CYP7A1: variants seen among roughly 807,000 people sequenced by gnomAD.
CYP7A1 encodes the protein cytochrome P450 family 7 subfamily A member 1.
A neutral mutation model predicts 43.8 loss-of-function variants in CYP7A1; 28 were observed. The observed-to-expected ratio is 0.64, with a 90% CI of 0.47 to 0.88. The LOEUF (loss-of-function observed/expected upper bound fraction) is 0.88. CYP7A1 is among the 40% of genes least tolerant of loss of function. CYP7A1 has a pLI of 0.00. For synonymous variants in CYP7A1, 227 were observed against 222.5 expected, an observed-to-expected ratio of 1.02 and a Z score of -0.18; for missense variants, 637 against 611.9, an observed-to-expected ratio of 1.04 and a Z score of -0.43.
At chr8:58,492,992 A>G (rs1809376092) in intron 4 of CYP7A1, among the ~76,000 whole-genome samples, 2 of 152,062 alleles carry the variant, frequency 1.3e-5, no homozygotes, top group South Asian at 4.1e-4. Context: ...GTTGCTCTTG[A>G]GCTCCTAGGC....
At chr8:58,494,862 G>A (rs1809414068) in intron 3 of CYP7A1, among the ~76,000 whole-genome samples, 2 of 152,254 alleles carry the variant, frequency 1.3e-5, no homozygotes, top group Admixed American at 6.5e-5. Flanking sequence ...GCGGCCGGCC[G>A]TGGTGGCACA....
intron 4 of CYP7A1, among the ~76,000 whole-genome samples, chr8:58,494,095 C>T (rs1809401174): frequency 6.6e-6 from 1 of 152,100 alleles, no homozygotes; most frequent in Admixed American, 6.5e-5. Flanking sequence ...ACTTTCAAAT[C>T]CATCACTCAA....
At chr8:58,495,328 C>T (rs376936927) in intron 3 of CYP7A1, among the ~76,000 whole-genome samples, 3 of 151,556 alleles carry the variant, frequency 2.0e-5, no homozygotes, top group African/African-American at 7.3e-5. Flanking sequence ...CGGGTTCACG[C>T]CATTCTCCTG....
chr8:58,492,792 T>G (rs1809372864), intron 4 of CYP7A1, among the ~76,000 whole-genome samples: 1 of 152,142 alleles, frequency 6.6e-6, no homozygotes, highest in African/African-American at 2.4e-5. Flanking sequence ...TTAGCCAGGG[T>G]CTCATTCTGT....
rs149774318 is a variant in CYP7A1, at chr8:58,492,632, A to G, written c.1040-104T>C. ...GAAGGTCATATGATATAGAGTCTGA[A>G]CTACAGACAGCCTGGCAGTGCATAA... On this transcript the variant is annotated intron_variant, in intron 4 of 5. Coordinates refer to ENST00000301645, the MANE Select transcript of CYP7A1 (RefSeq NM_000780.4). 75 of 905,550 alleles carry G rather than the reference A, an allele frequency of 8.3e-5. No homozygotes were observed. The Middle Eastern group carries it at 9.5e-4, about 11-fold the overall frequency. The allele number at this position is 905,550 out of a possible 1,614,324, so 56.1% of individuals were successfully genotyped here.
Position 58,491,550 on chromosome 8 carries a change from G to C in CYP7A1, c.1440C>G (p.Asp480Glu). 1 of 1,614,118 alleles carries C rather than the reference G, an allele frequency of 6.2e-7. No homozygotes were observed. Among genetic ancestry groups the C allele is most frequent in the Non-Finnish European group, 8.5e-7 (1 of 1,180,012 alleles). Residue 480 changes from aspartate to glutamate, a missense_variant, in exon 6 of 6, where the codon GAC becomes GAG. Physicochemically the swap from Asp to Glu is conservative, Grantham distance 45. Coordinates refer to ENST00000301645, the MANE Select transcript of CYP7A1 (RefSeq NM_000780.4). ...IEGQAKCPPL[D>E]QSRAGLGILP... ...AAATGCCCAAGCCTGCCCGGGACTG[G>C]TCCAAAGGTGGACATTTAGCTTGGC...
Position 58,490,348 on chromosome 8 carries a change from T to G in CYP7A1, c.*1127A>C, listed in dbSNP as rs933962623. ...GATAACTCATACTTAAAATATTTTA[T>G]CAAAGCATTGTTGTACACAGCATTT... On this transcript the variant is annotated 3_prime_UTR_variant, in exon 6 of 6. Transcript: ENST00000301645. The G allele has an allele frequency of 2.0e-5, 3 of 152,196 alleles. No individual in the cohort carries two copies. Among genetic ancestry groups the G allele is most frequent in the Non-Finnish European group, 4.4e-5 (3 of 68,034 alleles). 9.4% of individuals were successfully genotyped at this position (152,196 alleles called of 1,614,324 possible).
intron 1 of CYP7A1, 21 bp from the exon 2 acceptor site, chr8:58,498,490 A>G (rs1407508369): frequency 6.2e-7 from 1 of 1,613,730 alleles, no homozygotes; most frequent in Non-Finnish European, 8.5e-7. Context: ...CAAGTGTATG[A>G]TAGACATGGA....
rs369276545 is a variant in CYP7A1, at chr8:58,495,215, T to TTCTATTTA, written c.909-580_909-579insTAAATAGA. Among the ~76,000 whole-genome samples the TTCTATTTA allele has an allele frequency of 2.9e-4, 42 of 143,454 alleles. 1 individual carries two copies. Among genetic ancestry groups the TTCTATTTA allele is most frequent in the East Asian group, 1.0e-3 (5 of 4,978 alleles). 94.1% of individuals were successfully genotyped at this position (143,454 alleles called of 152,430 possible). On this transcript the variant is annotated intron_variant, in intron 3 of 5. Transcript: ENST00000301645. Reference sequence around the variant, plus strand: ...ACTTTGGTGAGGGCTTTTATTTTATTTTTATTTATTTATTTATTTATTTAT... The same window carrying TTCTATTTA: ...ACTTTGGTGAGGGCTTTTATTTTATTTCTATTTATTTATTTATTTATTTATTTATTTAT...
At chr8:58,497,702 C>T (rs1184404576) in intron 2 of CYP7A1, among the ~76,000 whole-genome samples, 1 of 152,090 alleles carries the variant, frequency 6.6e-6, no homozygotes, top group African/African-American at 2.4e-5. Flanking sequence ...TTTAACCAAA[C>T]TTTAAGCTAC....
rs765455964 is a variant in CYP7A1 at position 58,496,910 on chromosome 8, T to C, written c.602A>G (p.His201Arg). The C allele has an allele frequency of 1.2e-6, 2 of 1,614,242 alleles. No homozygotes were observed. The highest frequency in any genetic ancestry group is 1.1e-5 in the South Asian group (1 of 91,090). The part of the protein sequence containing the change: ...DLTRRDTQKA[H>R]ILNNLDNFKQ... ...GAAGTTGTCAAGATTGTTTAGAATA[T>C]GTGCTTTCTGTGTGTCCCGCCTTGT... is the stretch of plus-strand genomic sequence containing the variant. Residue 201 changes from histidine to arginine, a missense_variant, in exon 3 of 6, where the codon CAT becomes CGT. Physicochemically the swap from His to Arg is conservative, Grantham distance 29. Transcript: ENST00000301645.
In CYP7A1 at chr8:58,490,993, C is replaced by A; in HGVS notation, c.*482G>T. ...GTTTCCTTAGGAAAAAACAATCTGC[C>A]AATTAGAATACATATCTTTTCTTCG... On this transcript the variant is annotated 3_prime_UTR_variant, in exon 6 of 6. Transcript: ENST00000301645. The A allele has an allele frequency of 6.5e-6, 1 of 154,266 alleles. No individual in the cohort carries two copies. Among genetic ancestry groups the A allele is most frequent in the Non-Finnish European group, 1.4e-5 (1 of 69,462 alleles). The allele number at this position is 154,266 out of a possible 1,614,324, so 9.6% of individuals were successfully genotyped here.
chr8:58,496,670 A>G lies in CYP7A1; in HGVS notation c.842T>C (p.Val281Ala). 1 of 1,614,236 alleles carries G rather than the reference A, an allele frequency of 6.2e-7. No homozygotes were observed. The highest frequency in any genetic ancestry group is 8.5e-7 in the Non-Finnish European group (1 of 1,180,032). ...GTTTGCTTGCGATGCCCAGAGGACC[A>G]CGAGGTGTGTCTTGGCCTTCTCCAG... ...DDLEKAKTHL[V>A]VLWASQANTI... is the part of the protein sequence containing the mutation. The change falls in exon 3 of 6, where the codon GTG becomes GCG. Residue 281 changes from valine (V) to alanine (A), a missense_variant. Transcript: ENST00000301645.
intron 3 of CYP7A1, among the ~76,000 whole-genome samples, chr8:58,494,888 C>A (rs940858133): frequency 6.6e-6 from 1 of 152,124 alleles, no homozygotes. Flanking sequence ...GTAATCCCAG[C>A]ACTTTGGGAG....
chr8:58,498,409 T>C lies in CYP7A1; in HGVS notation c.141A>G (p.Gln47=), dbSNP rs141308879. Residue 47 remains glutamine, a synonymous_variant, in exon 2 of 6, where the codon CAA becomes CAG. Transcript: ENST00000301645. ...GLIPYLGCAL[Q]FGANPLEFLR... is the part of the protein sequence containing the mutation. ...GGAACTCAAGAGGATTGGCACCAAA[T>C]TGCAGAGCACAGCCCAGGTATGGAA... is the stretch of plus-strand genomic sequence containing the variant. The C allele has an allele frequency of 1.2e-6, 2 of 1,614,034 alleles. No individual in the cohort carries two copies. The highest frequency in any genetic ancestry group is 2.7e-5 in the African/African-American group (2 of 74,934).
intron 3 of CYP7A1, among the ~76,000 whole-genome samples, chr8:58,495,413 A>T (rs1210424331): frequency 2.6e-5 from 4 of 151,814 alleles, no homozygotes; most frequent in African/African-American, 9.7e-5. Flanking sequence ...GTTTTTTAGT[A>T]GAGACGGGGT....
At position 58,500,062 on chromosome 8, in the gene CYP7A1, C is replaced by T. The variant is rs778544430; in HGVS notation, c.37G>A (p.Ala13Thr). 6.2e-7 allele frequency: 1 copy of T among 1,613,058 alleles called. No homozygotes were observed. The highest frequency in any genetic ancestry group is 1.3e-5 in the African/African-American group (1 of 75,016). ...TTSLIWGIAI[A>T]ACCCLWLILG... ...ATAAGCCATAGACAACAGCATGCTG[C>T]TATAGCAATCCCCCAAATCAAAGAT... The change falls in exon 1 of 6, where the codon GCA becomes ACA. Residue 13 changes from alanine to threonine, a missense_variant. Coordinates refer to ENST00000301645, the MANE Select transcript of CYP7A1 (RefSeq NM_000780.4).
intron 2 of CYP7A1, 107 bp from the exon 3 acceptor site, chr8:58,497,297 C>T (rs774480261): frequency 1.6e-5 from 15 of 966,564 alleles, no homozygotes; most frequent in African/African-American, 6.4e-5. Context: ...TTGGTAAACA[C>T]GGGAAATTGG....
intron 4 of CYP7A1, among the ~76,000 whole-genome samples, chr8:58,493,088 C>A (rs974865517): frequency 6.6e-6 from 1 of 152,126 alleles, no homozygotes; most frequent in African/African-American, 2.4e-5. Context: ...ATCTTTAAAT[C>A]TGATCCTGAG....
Sources: gnomAD v4.1 joint callset for allele counts (sites outside exome capture counted in the v4.1 genomes callset) on GRCh38, gnomAD v4.1.1 for gene constraint, MANE v1.5 for transcripts, NCBI Gene and HGNC (gene_info 2026-07-23, HGNC 2026-07-21) for gene names.